Variants in MYOM2 observed in about 807,000 individuals in gnomAD.
MYOM2 encodes myomesin 2, also known as myomesin-2.
A neutral mutation model predicts 187.6 loss-of-function variants in MYOM2; 254 were observed. The ratio of observed to expected loss-of-function variants is 1.35; its 90% CI spans 1.22 to 1.50. The LOEUF is 1.50. Among genes scored for constraint, MYOM2 ranks in the 40% most tolerant of loss-of-function variants. MYOM2 has a pLI of 0.00. For missense variants in MYOM2, 2,796 were observed against 1,924.0 expected (o/e 1.45, Z -8.48); for synonymous variants, 981 against 753.8 (o/e 1.30, Z -4.94).
intron 1 of MYOM2, among the ~76,000 whole-genome samples, chr8:2,046,199 T>C (rs1424850031): frequency 2.0e-5 from 3 of 152,266 alleles, no homozygotes; most frequent in South Asian, 4.1e-4. Context: ...GAAGTCAATG[T>C]TTTGTACTTC....
chr8:2,109,943 C>T (rs1289784044), intron 25 of MYOM2, among the ~76,000 whole-genome samples: 1 of 152,172 alleles, frequency 6.6e-6, no homozygotes, highest in East Asian at 1.9e-4. Flanking sequence ...TGGAAGGCAT[C>T]CGTGGGGAAT....
intron 10 of MYOM2, 43 bp downstream of exon 10, chr8:2,073,543 C>T: frequency 6.5e-7 from 1 of 1,540,114 alleles, no homozygotes; most frequent in Middle Eastern, 2.1e-4. Context: ...TTGTGTGTGC[C>T]CGGGGAGGGG....
chr8:2,109,553 C>T, intron 25 of MYOM2, 22 bp downstream of exon 25: 1 of 1,592,056 alleles, frequency 6.3e-7, no homozygotes, highest in Non-Finnish European at 8.5e-7. Flanking sequence ...TGTGAGTGAT[C>T]TCTGGCTTTG....
At chr8:2,100,705 C>CG (rs1796676581) in intron 19 of MYOM2, among the ~76,000 whole-genome samples, 171 bp from the exon 20 acceptor site, 1 of 152,054 alleles carries the variant, frequency 6.6e-6, no homozygotes, top group Admixed American at 6.6e-5. Context: ...GCTGAGCACC[C>CG]TCCTTACCCT....
At chr8:2,079,024 G>A in intron 12 of MYOM2, 91 bp downstream of exon 12, 1 of 1,295,326 alleles carries the variant, frequency 7.7e-7, no homozygotes, top group Non-Finnish European at 1.1e-6. Flanking sequence ...CCAACTCGAT[G>A]TGAGCCCTGA....
At chr8:2,119,692 G>C (rs1437039234) in intron 28 of MYOM2, among the ~76,000 whole-genome samples, 2 of 152,124 alleles carry the variant, frequency 1.3e-5, no homozygotes, top group Non-Finnish European at 2.9e-5. Context: ...TTTCCTTCTG[G>C]ATGGAGACGC....
Position 2,076,228 on chromosome 8 carries a change from G to A in MYOM2, c.1208G>A (p.Trp403Ter). ...AACCGGGACTACGTCATCGTGACCT[G>A]GAAGCCGCCCAACACCACCACTGAG... ...DANRDYVIVT[W>*]KPPNTTTESP... Residue 403 changes from tryptophan (W) to a stop codon, truncating the protein, a stop_gained, in exon 11 of 37, where the codon TGG becomes TAG. Transcript: ENST00000262113. LOFTEE classifies it high-confidence loss of function. 1 of 1,613,668 alleles carries A rather than the reference G, an allele frequency of 6.2e-7. No individual in the cohort carries two copies. Among genetic ancestry groups the A allele is most frequent in the Non-Finnish European group, 8.5e-7 (1 of 1,179,928 alleles).
chr8:2,098,706 G>A lies in MYOM2; in HGVS notation c.2314-151G>A, dbSNP rs1039964563. ...GCGGCTGCAGCTCGTCGGCCACATC[G>A]AGGTCCTTCCTGAAATATTTGGTCC... On this transcript the variant is annotated intron_variant, in intron 18 of 36. Coordinates refer to ENST00000262113, the MANE Select transcript of MYOM2 (RefSeq NM_003970.4). 12 of 816,186 alleles carry A rather than the reference G, an allele frequency of 1.5e-5. No homozygotes were observed. In the African/African-American group the frequency reaches 2.1e-4, roughly 14 times the overall value. The allele number at this position is 816,186 out of a possible 1,614,324, so 50.6% of individuals were successfully genotyped here.
At chr8:2,060,248 G>A (rs1439217940) in intron 6 of MYOM2, among the ~76,000 whole-genome samples, 2 of 152,116 alleles carry the variant, frequency 1.3e-5, no homozygotes, top group African/African-American at 4.8e-5. Context: ...AGGAGCACAC[G>A]CTTGTCCAGG....
At chr8:2,088,001 C>T (rs960152320) in intron 14 of MYOM2, among the ~76,000 whole-genome samples, 2 of 152,112 alleles carry the variant, frequency 1.3e-5, no homozygotes, top group Admixed American at 1.3e-4. Context: ...GGCAGAACTA[C>T]CTGCTGTCAG....
intron 13 of MYOM2, among the ~76,000 whole-genome samples, chr8:2,084,373 A>C (rs993884971): frequency 2.6e-5 from 4 of 152,208 alleles, no homozygotes; most frequent in Non-Finnish European, 5.9e-5. Context: ...TTCCATGTTC[A>C]GTTCCTGGCC....
intron 3 of MYOM2, among the ~76,000 whole-genome samples, chr8:2,056,721 G>T (rs1010040753): frequency 3.3e-5 from 5 of 152,100 alleles, no homozygotes; most frequent in African/African-American, 1.2e-4. Flanking sequence ...ACTCACACAT[G>T]GGGAGCTCAC....
chr8:2,113,231 G>A (rs1397530865), intron 25 of MYOM2, among the ~76,000 whole-genome samples: 1 of 152,242 alleles, frequency 6.6e-6, no homozygotes, highest in Non-Finnish European at 1.5e-5. Context: ...ATCGTGCCTT[G>A]CATTACTGCT....
Position 2,106,412 on chromosome 8 carries a change from G to A in MYOM2, c.2891+14G>A, listed in dbSNP as rs369962856. On this transcript the variant is annotated intron_variant, in intron 22 of 36. Transcript: ENST00000262113. ...CGTGGGGGATCAGTAAGTGAGGCCTGGAAGTTGGATACTGGAAACTTTTAG... is the reference window on the plus strand; with the variant it reads ...CGTGGGGGATCAGTAAGTGAGGCCTAGAAGTTGGATACTGGAAACTTTTAG... The A allele has an allele frequency of 6.2e-7, 1 of 1,612,850 alleles. No homozygotes were observed. The highest frequency in any genetic ancestry group is 1.3e-5 in the African/African-American group (1 of 74,912).
intron 32 of MYOM2, among the ~76,000 whole-genome samples, chr8:2,138,414 G>A (rs1365227437): frequency 1.3e-5 from 2 of 152,198 alleles, no homozygotes; most frequent in East Asian, 3.9e-4. Flanking sequence ...AGGCTCCCAG[G>A]TCAGCAACGT....
At chr8:2,104,314 T>G (rs557270435) in intron 21 of MYOM2, among the ~76,000 whole-genome samples, 5 of 152,210 alleles carry the variant, frequency 3.3e-5, no homozygotes, top group Middle Eastern at 6.8e-3. Flanking sequence ...TTTAAAAGTT[T>G]ATTGGGGCGT....
At chr8:2,076,432 AT>A in intron 11 of MYOM2, 150 bp downstream of exon 11, 2 of 1,067,176 alleles carry the variant, frequency 1.9e-6, no homozygotes, top group Non-Finnish European at 1.3e-6. Flanking sequence ...ATAAGTTCCT[AT>A]TTAGGTAATT....
rs1585984060 is a variant in MYOM2, at chr8:2,142,271, T to G, written c.4002-104T>G. The G allele has an allele frequency of 2.6e-6, 3 of 1,134,288 alleles. No individual in the cohort carries two copies. The East Asian group carries it at 7.0e-5, about 27-fold the overall frequency. The allele number at this position is 1,134,288 out of a possible 1,614,324, so 70.3% of individuals were successfully genotyped here. A position where few individuals can be genotyped will look rare whatever the true frequency, so the allele number is the denominator to read the frequency against. On this transcript the variant is annotated intron_variant, in intron 34 of 36. Transcript: ENST00000262113. ...AGAGAATGCAAACGTATCTCCTTCT[T>G]CTTTTGCTTCATCGCTAGTGAGCCT...
At chr8:2,062,781 G>T (rs1818893929) in intron 6 of MYOM2, among the ~76,000 whole-genome samples, 1 of 152,134 alleles carries the variant, frequency 6.6e-6, no homozygotes. Flanking sequence ...GGGTAAGTAG[G>T]TTGGTCTGAG....
Sources: allele counts gnomAD v4.1 joint callset (sites outside exome capture counted in the v4.1 genomes callset), GRCh38; gene constraint gnomAD v4.1.1; transcripts MANE v1.5; gene names NCBI Gene and HGNC (gene_info 2026-07-23, HGNC 2026-07-21).